Variants in YEATS2 observed in about 807,000 individuals in gnomAD.
YEATS2 encodes YEATS domain-containing protein 2.
In YEATS2, 77 loss-of-function variants were observed where a neutral mutation model predicts 163.2. That is an observed-to-expected ratio of 0.47 (90% CI 0.39 to 0.57). YEATS2 has a LOEUF of 0.57. YEATS2 is among the 20% of genes least tolerant of loss of function. The probability of loss-of-function intolerance (pLI) is 0.00; values close to 1 mark genes in which losing one functional copy is unlikely to be tolerated. For missense variants in YEATS2, 1,549 were observed against 1,729.8 expected (o/e 0.90, Z 1.85); for synonymous variants, 631 against 645.1 (o/e 0.98, Z 0.33).
Position 183,801,486 on chromosome 3 carries a change from C to G in YEATS2, c.3460C>G (p.Leu1154Val). 3.1e-6 allele frequency: 5 copies of G among 1,611,212 alleles called. No individual in the cohort carries two copies. The highest frequency in any genetic ancestry group is 4.2e-6 in the Non-Finnish European group (5 of 1,178,686). ...IDHLETIQQL[L>V]TAVVKKIPLI... is the part of the protein sequence containing the mutation. ...CCATTTAGAAACTATCCAGCAACTC[C>G]TAACTGCAGTAGTAAAGAAGATTCC... Residue 1154 changes from leucine to valine, a missense_variant, in exon 25 of 31, where the codon CTA (leucine) becomes GTA (valine). Coordinates refer to ENST00000305135, the MANE Select transcript of YEATS2 (RefSeq NM_018023.5).
At chr3:183,793,720 C>T (rs1724887254) in intron 21 of YEATS2, among the ~76,000 whole-genome samples, 1 of 145,374 alleles carries the variant, frequency 6.9e-6, no homozygotes, top group South Asian at 2.2e-4. Flanking sequence ...TCCAGCGATT[C>T]TCCTGCCTCA....
intron 1 of YEATS2, among the ~76,000 whole-genome samples, chr3:183,703,172 T>G (rs1358507486): frequency 1.3e-5 from 2 of 152,226 alleles, no homozygotes; most frequent in Admixed American, 1.3e-4. Context: ...ATCACGTCAG[T>G]CCTAATGACC....
At chr3:183,726,823 C>T (rs1315500261) in intron 6 of YEATS2, among the ~76,000 whole-genome samples, 3 of 152,066 alleles carry the variant, frequency 2.0e-5, no homozygotes, top group East Asian at 1.9e-4. Context: ...TTTTCCAAGA[C>T]GGAGTTTTAC....
chr3:183,788,278 C>A (rs1213897904), intron 20 of YEATS2, among the ~76,000 whole-genome samples: 2 of 151,982 alleles, frequency 1.3e-5, no homozygotes, highest in Non-Finnish European at 2.9e-5. Context: ...TACCCATTAA[C>A]CATCCCCACT....
intron 8 of YEATS2, among the ~76,000 whole-genome samples, chr3:183,746,800 C>T (rs761937590): frequency 6.6e-6 from 1 of 151,922 alleles, no homozygotes. Flanking sequence ...ACTGAGTTGT[C>T]CTCTCTATGT....
At chr3:183,802,368 G>A (rs1366640375) in intron 25 of YEATS2, 1 of 152,928 alleles carries the variant, frequency 6.5e-6, no homozygotes, top group Non-Finnish European at 1.5e-5. Flanking sequence ...TAGCAAAGCA[G>A]TAATCTCTTT....
At position 183,777,637 on chromosome 3, in the gene YEATS2, T is replaced by A; in HGVS notation, c.2673T>A (p.Ser891=). 1 of 1,614,154 alleles carries A rather than the reference T, an allele frequency of 6.2e-7. No homozygotes were observed. The highest frequency in any genetic ancestry group is 8.5e-7 in the Non-Finnish European group (1 of 1,180,016). ...AAGGAACACTGGGAGTCAGCACATC[T>A]TCTGCACAAGGACAACAAACGCTAA... ...VVQGTLGVST[S]SAQGQQTLKV... The change falls in exon 19 of 31, where the codon TCT becomes TCA. Residue 891 remains serine (S), a synonymous_variant. Transcript: ENST00000305135.
intron 7 of YEATS2, among the ~76,000 whole-genome samples, chr3:183,731,523 A>G (rs1717778769): frequency 6.6e-6 from 1 of 152,216 alleles, no homozygotes. Context: ...TGTAAAACAC[A>G]TTATTTCTTT....
Position 183,747,658 on chromosome 3 carries a change from T to C in YEATS2, c.925-14T>C. On this transcript the variant is annotated splice_polypyrimidine_tract_variant and intron_variant, in intron 8 of 30. Transcript: ENST00000305135. Reference sequence around the variant, plus strand: ...GCAGTGAAATTTAACACTCTCCCTTTTGTCTTTCCATAGCTGGATAGAACT... The same window carrying C: ...GCAGTGAAATTTAACACTCTCCCTTCTGTCTTTCCATAGCTGGATAGAACT... 1.2e-6 allele frequency: 2 copies of C among 1,610,372 alleles called. No homozygotes were observed. Among genetic ancestry groups the C allele is most frequent in the South Asian group, 2.2e-5 (2 of 90,804 alleles).
chr3:183,759,808 T>A (rs559145794), intron 13 of YEATS2, among the ~76,000 whole-genome samples: 2 of 152,374 alleles, frequency 1.3e-5, no homozygotes, highest in South Asian at 2.1e-4. Flanking sequence ...AATGCACTTT[T>A]GGCCTATGAT....
chr3:183,752,012 C>G, intron 9 of YEATS2, 61 bp from the exon 10 acceptor site: 1 of 1,583,886 alleles, frequency 6.3e-7, no homozygotes, highest in Non-Finnish European at 8.6e-7. Context: ...TTGGACGGGA[C>G]TTGAGCTTTC....
rs1721426753 is a variant in YEATS2, at chr3:183,762,132, C to G, written c.1800C>G (p.His600Gln). ...IIKQEPGEAP[H>Q]VPATGAASQS... ...AACAGGAACCTGGTGAAGCCCCTCA[C>G]GTGCCCGCAACAGGAGCTGCCAGCC... Residue 600 changes from histidine to glutamine, a missense_variant, in exon 15 of 31, where the codon CAC (histidine) becomes CAG (glutamine). Transcript: ENST00000305135. 2 of 1,614,128 alleles carry G rather than the reference C, an allele frequency of 1.2e-6. No homozygotes were observed. The highest frequency in any genetic ancestry group is 1.1e-5 in the South Asian group (1 of 91,076).
At chr3:183,708,673 C>T (rs1714871230) in intron 1 of YEATS2, among the ~76,000 whole-genome samples, 2 of 151,990 alleles carry the variant, frequency 1.3e-5, no homozygotes, top group African/African-American at 4.8e-5. Flanking sequence ...CAAGACCACT[C>T]TGGGCAACAT....
intron 15 of YEATS2, among the ~76,000 whole-genome samples, chr3:183,768,168 A>T (rs1722096617): frequency 6.6e-6 from 1 of 152,202 alleles, no homozygotes; most frequent in Admixed American, 6.5e-5. Flanking sequence ...GAGAATCTAG[A>T]TCCCTGGCTT....
At chr3:183,701,753 A>C (rs1273619204) in intron 1 of YEATS2, among the ~76,000 whole-genome samples, 1 of 152,002 alleles carries the variant, frequency 6.6e-6, no homozygotes, top group East Asian at 1.9e-4. Context: ...GTATATCCAC[A>C]CTCTCAAATA....
intron 21 of YEATS2, among the ~76,000 whole-genome samples, chr3:183,794,015 T>C (rs746241027): frequency 3.3e-5 from 5 of 152,184 alleles, no homozygotes; most frequent in Non-Finnish European, 7.3e-5. Flanking sequence ...TAAGGTCTCA[T>C]TGGGACAGAA....
At chr3:183,740,084 A>C (rs1718782494) in intron 8 of YEATS2, among the ~76,000 whole-genome samples, 1 of 134,954 alleles carries the variant, frequency 7.4e-6, no homozygotes, top group Non-Finnish European at 1.6e-5. Flanking sequence ...AAGCAATGGC[A>C]ACAAAAGCCA....
At chr3:183,736,052 T>C (rs1718305479) in intron 7 of YEATS2, among the ~76,000 whole-genome samples, 1 of 152,190 alleles carries the variant, frequency 6.6e-6, no homozygotes, top group Non-Finnish European at 1.5e-5. Context: ...TAATGAACCC[T>C]CATGTGCCCA....
chr3:183,706,086 G>A (rs1714588809), intron 1 of YEATS2, among the ~76,000 whole-genome samples: 1 of 151,874 alleles, frequency 6.6e-6, no homozygotes, highest in East Asian at 1.9e-4. Context: ...GTAATATTGA[G>A]CACTTCCAGG....
Sources: gnomAD v4.1 joint callset for allele counts (sites outside exome capture counted in the v4.1 genomes callset) on GRCh38, gnomAD v4.1.1 for gene constraint, MANE v1.5 for transcripts, NCBI Gene and HGNC (gene_info 2026-07-23, HGNC 2026-07-21) for gene names.